Variants in SEM1 observed in about 807,000 individuals in gnomAD.
SEM1 encodes the protein 26S proteasome complex subunit SEM1.
In SEM1, 3 loss-of-function variants were observed where a neutral mutation model predicts 12.7. That is an observed-to-expected ratio of 0.24 (90% CI 0.11 to 0.61). The LOEUF is 0.61. Ranked by LOEUF, SEM1 falls within the 20% of genes least tolerant of loss-of-function variation. The pLI is 0.88. For synonymous variants in SEM1, 30 were observed against 27.8 expected (o/e 1.08, Z -0.25); for missense variants, 59 against 81.3 (o/e 0.73, Z 1.06).
intron 2 of SEM1, among the ~76,000 whole-genome samples, chr7:96,638,303 C>T (rs533250620): frequency 3.5e-4 from 53 of 152,068 alleles, no homozygotes; most frequent in African/African-American, 1.1e-3. Context: ...AAATTCCCTC[C>T]CACCTTCTAG....
chr7:96,692,480 A>C (rs1789958288), intron 2 of SEM1, among the ~76,000 whole-genome samples: 1 of 152,186 alleles, frequency 6.6e-6, no homozygotes, highest in Non-Finnish European at 1.5e-5. Flanking sequence ...AATGATGCCA[A>C]GGCGGAACAA....
chr7:96,656,850 TAA>T (rs1416161028), intron 2 of SEM1, among the ~76,000 whole-genome samples: 2 of 21,860 alleles, frequency 9.1e-5, no homozygotes, highest in South Asian at 3.5e-3. Flanking sequence ...AATATAATGT[TAA>T]ATATATATAT....
intron 2 of SEM1, among the ~76,000 whole-genome samples, chr7:96,690,986 T>C (rs1198681400): frequency 6.6e-6 from 1 of 152,178 alleles, no homozygotes; most frequent in Non-Finnish European, 1.5e-5. Context: ...TTAGCCAGGA[T>C]GGTCTCGATC....
At chr7:96,545,898 C>T (rs1164966390) in intron 2 of SEM1, among the ~76,000 whole-genome samples, 1 of 152,084 alleles carries the variant, frequency 6.6e-6, no homozygotes, top group African/African-American at 2.4e-5. Context: ...TATAGCAATG[C>T]TATCAGCTGA....
chr7:96,514,468 A>C (rs967388250), intron 2 of SEM1, among the ~76,000 whole-genome samples: 1 of 152,150 alleles, frequency 6.6e-6, no homozygotes, highest in Non-Finnish European at 1.5e-5. Flanking sequence ...GGAAAGAAGA[A>C]ATAAAACTGT....
intron 2 of SEM1, among the ~76,000 whole-genome samples, chr7:96,551,700 T>G (rs1193858371): frequency 7.6e-6 from 1 of 130,796 alleles, no homozygotes; most frequent in Non-Finnish European, 1.6e-5. Context: ...AGTGAGACTC[T>G]GTCTCAAAAA....
At chr7:96,545,096 C>T (rs564195834) in intron 2 of SEM1, among the ~76,000 whole-genome samples, 5 of 152,010 alleles carry the variant, frequency 3.3e-5, no homozygotes, top group Non-Finnish European at 7.4e-5. Flanking sequence ...CCCATGGAAA[C>T]CTCTGGATTT....
chr7:96,641,236 TTC>T (rs1216756380), intron 2 of SEM1, among the ~76,000 whole-genome samples: 1 of 151,908 alleles, frequency 6.6e-6, no homozygotes, highest in African/African-American at 2.4e-5. Context: ...GCTGTATTTA[TTC>T]TCTCTTTTCT....
At chr7:96,516,608 C>T (rs898109347) in intron 2 of SEM1, among the ~76,000 whole-genome samples, 2 of 152,126 alleles carry the variant, frequency 1.3e-5, no homozygotes, top group African/African-American at 4.8e-5. Flanking sequence ...GTGTGGAGAA[C>T]CAGGAACTCT....
intron 2 of SEM1, among the ~76,000 whole-genome samples, chr7:96,568,000 T>C (rs1026714546): frequency 6.6e-6 from 1 of 151,488 alleles, no homozygotes; most frequent in African/African-American, 2.4e-5. Context: ...GATATAATTA[T>C]TTTGATGGGT....
intron 2 of SEM1, among the ~76,000 whole-genome samples, chr7:96,650,693 C>A (rs75928395): frequency 0.17 from 26,086 of 151,912 alleles, 2,258 homozygotes; most frequent in South Asian, 0.21. Flanking sequence ...CGCACACACA[C>A]ACACACACTC....
intron 2 of SEM1, among the ~76,000 whole-genome samples, chr7:96,654,064 G>A: frequency 6.6e-6 from 1 of 152,198 alleles, no homozygotes; most frequent in East Asian, 1.9e-4. Context: ...GGTTTGCAGA[G>A]CAATGATGAG....
intron 2 of SEM1, among the ~76,000 whole-genome samples, chr7:96,615,111 C>T (rs1364561912): frequency 1.3e-5 from 2 of 152,026 alleles, no homozygotes; most frequent in Admixed American, 6.6e-5. Context: ...TGGACAAATC[C>T]CATTGCCTTT....
chr7:96,645,993 T>C, intron 2 of SEM1: 1 of 397,288 alleles, frequency 2.5e-6, no homozygotes, highest in Non-Finnish European at 4.4e-6. Flanking sequence ...GTTTCTTTCA[T>C]ACATTATGTT....
chr7:96,532,692 G>T (rs2115728243), intron 2 of SEM1, among the ~76,000 whole-genome samples: 1 of 152,196 alleles, frequency 6.6e-6, no homozygotes, highest in South Asian at 2.1e-4. Flanking sequence ...TTAACTGACA[G>T]AATTTGTTTA....
intron 2 of SEM1, among the ~76,000 whole-genome samples, chr7:96,662,900 A>T (rs1789055106): frequency 6.6e-6 from 1 of 152,234 alleles, no homozygotes. Flanking sequence ...CCTGAACAAG[A>T]TGTAGAAAGT....
intron 2 of SEM1, among the ~76,000 whole-genome samples, chr7:96,560,888 T>A (rs1051673745): frequency 1.3e-5 from 2 of 152,188 alleles, no homozygotes; most frequent in African/African-American, 4.8e-5. Flanking sequence ...TATTTAGTAT[T>A]TGTGCACTCC....
At chr7:96,683,904 C>T (rs894693212), downstream of SEM1, among the ~76,000 whole-genome samples, 1 of 152,028 alleles carries the variant, frequency 6.6e-6, no homozygotes. Context: ...GGAGGGATAG[C>T]ATTAGGAGAA....
At chr7:96,561,237 A>C (rs1204510404) in intron 2 of SEM1, among the ~76,000 whole-genome samples, 3 of 152,210 alleles carry the variant, frequency 2.0e-5, no homozygotes, top group Non-Finnish European at 4.4e-5. Flanking sequence ...ACATGACAAA[A>C]TATTTATTGT....
Sources: gnomAD v4.1 joint callset for allele counts (sites outside exome capture counted in the v4.1 genomes callset) on GRCh38, gnomAD v4.1.1 for gene constraint, MANE v1.5 for transcripts, NCBI Gene and HGNC (gene_info 2026-07-23, HGNC 2026-07-21) for gene names.